The following ROBO2 variants were observed in gnomAD, a reference collection of about 807,000 sequenced individuals.
ROBO2 encodes the protein roundabout homolog 2.
In ROBO2, 53 loss-of-function variants were observed where a neutral mutation model predicts 160.8. The observed-to-expected ratio is 0.33, with a 90% CI of 0.26 to 0.41. ROBO2 has a LOEUF of 0.41. Ranked by LOEUF, ROBO2 falls within the 10% of genes least tolerant of loss-of-function variation. The pLI, the probability that ROBO2 is intolerant of heterozygous loss-of-function variation, is 1.00. For synonymous variants in ROBO2, 664 were observed against 611.7 expected (o/e 1.09, Z -1.26); for missense variants, 1,577 against 1,722.4 (o/e 0.92, Z 1.49).
rs570436071 is a variant in ROBO2 at position 76,813,425 on chromosome 3, T to C, written c.110-284589T>C. Reference sequence around the variant, plus strand: ...TGCCCATCGTTTTTGTCAAAACTTATTTAAAACTTTGTTTTAAAATACTGT... The same window carrying C: ...TGCCCATCGTTTTTGTCAAAACTTACTTAAAACTTTGTTTTAAAATACTGT... On this transcript the variant is annotated intron_variant, in intron 2 of 26. Transcript: ENST00000487694. Among the ~76,000 whole-genome samples the C allele has an allele frequency of 2.0e-5, 3 of 152,246 alleles. No individual in the cohort carries two copies. The East Asian group carries it at 5.8e-4, about 29-fold the overall frequency.
intron 2 of ROBO2, among the ~76,000 whole-genome samples, chr3:76,720,559 T>G (rs907644985): frequency 1.8e-4 from 28 of 152,208 alleles, no homozygotes; most frequent in Admixed American, 6.5e-5. Flanking sequence ...GGTACAGATT[T>G]ACATACTTTG....
At chr3:77,359,018 A>G (rs1354401498) in intron 2 of ROBO2, among the ~76,000 whole-genome samples, 1 of 152,230 alleles carries the variant, frequency 6.6e-6, no homozygotes, top group Non-Finnish European at 1.5e-5. Context: ...GAAAGCCTTA[A>G]CAGAAACAAA....
At chr3:75,978,652 T>G (rs1033518301) in intron 2 of ROBO2, among the ~76,000 whole-genome samples, 1 of 151,602 alleles carries the variant, frequency 6.6e-6, no homozygotes, top group East Asian at 1.9e-4. Context: ...AGTTAATAAT[T>G]GATCTGAACT....
At chr3:76,396,088 A>G (rs2077430527) in intron 2 of ROBO2, among the ~76,000 whole-genome samples, 1 of 152,202 alleles carries the variant, frequency 6.6e-6, no homozygotes, top group African/African-American at 2.4e-5. Context: ...ATTCTGGCAA[A>G]CCGAATTCAG....
intron 2 of ROBO2, among the ~76,000 whole-genome samples, chr3:76,789,021 A>C (rs762972309): frequency 5.1e-4 from 77 of 151,520 alleles, no homozygotes; most frequent in Admixed American, 1.6e-3. Flanking sequence ...TGGGTGTTAA[A>C]CATTTATACA....
At chr3:76,704,961 C>T (rs2093129534) in intron 2 of ROBO2, among the ~76,000 whole-genome samples, 1 of 152,084 alleles carries the variant, frequency 6.6e-6, no homozygotes, top group Non-Finnish European at 1.5e-5. Context: ...AGTACTCTAA[C>T]CAGGGGCCTG....
At chr3:76,242,158 C>G (rs540161182) in intron 2 of ROBO2, among the ~76,000 whole-genome samples, 2 of 152,090 alleles carry the variant, frequency 1.3e-5, no homozygotes, top group Non-Finnish European at 2.9e-5. Context: ...TTCCTTATTG[C>G]CAAATATAGC....
intron 2 of ROBO2, among the ~76,000 whole-genome samples, chr3:76,259,156 TG>T (rs1223696544): frequency 6.6e-6 from 1 of 152,154 alleles, no homozygotes; most frequent in African/African-American, 2.4e-5. Flanking sequence ...TGTTTTGTTT[TG>T]TTTTGCTTTT....
At chr3:77,262,284 C>G (rs919206332) in intron 2 of ROBO2, among the ~76,000 whole-genome samples, 2 of 152,020 alleles carry the variant, frequency 1.3e-5, no homozygotes, top group African/African-American at 4.8e-5. Context: ...ACTATTTTGT[C>G]TTTGTTTGGA....
chr3:77,062,524 G>C (rs1463363254), intron 1 of ROBO2, among the ~76,000 whole-genome samples: 2 of 152,164 alleles, frequency 1.3e-5, no homozygotes, highest in Non-Finnish European at 2.9e-5. Flanking sequence ...AGCAGAAGGG[G>C]CACAGCTGGG....
chr3:76,841,068 A>C (rs2068213467), intron 2 of ROBO2, among the ~76,000 whole-genome samples: 1 of 152,298 alleles, frequency 6.6e-6, no homozygotes, highest in Admixed American at 6.5e-5. Context: ...AAGCAGAGAT[A>C]ATTCTCCAAA....
chr3:76,559,237 T>C (rs1472513779), intron 2 of ROBO2, among the ~76,000 whole-genome samples: 1 of 152,118 alleles, frequency 6.6e-6, no homozygotes, highest in East Asian at 1.9e-4. Context: ...GTGATAGGGA[T>C]AACAATAAAT....
At chr3:77,192,372 C>A (rs2081933499) in intron 2 of ROBO2, among the ~76,000 whole-genome samples, 1 of 152,126 alleles carries the variant, frequency 6.6e-6, no homozygotes, top group South Asian at 2.1e-4. Flanking sequence ...AATTTCTCTA[C>A]TTTGCCATGT....
At chr3:77,517,223 G>T (rs2090118785) in intron 5 of ROBO2, among the ~76,000 whole-genome samples, 1 of 151,552 alleles carries the variant, frequency 6.6e-6, no homozygotes, top group African/African-American at 2.4e-5. Flanking sequence ...AGGCAGGAAA[G>T]ACATGTATAA....
chr3:76,497,745 C>A (rs147364236), intron 2 of ROBO2, among the ~76,000 whole-genome samples: 55 of 152,282 alleles, frequency 3.6e-4, no homozygotes, highest in African/African-American at 1.3e-3. Context: ...TGAAGGTGTT[C>A]ACAGAAAAGA....
intron 9 of ROBO2, among the ~76,000 whole-genome samples, chr3:77,561,609 T>C (rs75673385): frequency 0.022 from 3,372 of 152,244 alleles, 118 homozygotes; most frequent in African/African-American, 0.078. Flanking sequence ...TTTTAAGTGA[T>C]CGATGAAATG....
intron 2 of ROBO2, among the ~76,000 whole-genome samples, chr3:76,273,009 A>T (rs1341920016): frequency 1.0e-4 from 9 of 88,796 alleles, no homozygotes; most frequent in South Asian, 2.8e-4. Context: ...TATATATAAA[A>T]ATATATTATA....
intron 2 of ROBO2, among the ~76,000 whole-genome samples, chr3:76,323,346 A>G (rs1345136345): frequency 6.6e-6 from 1 of 152,080 alleles, no homozygotes; most frequent in Non-Finnish European, 1.5e-5. Context: ...CCTCATTCGA[A>G]TTCATCAATC....
At chr3:76,446,765 T>C (rs1023121631) in intron 2 of ROBO2, among the ~76,000 whole-genome samples, 1 of 152,064 alleles carries the variant, frequency 6.6e-6, no homozygotes. Context: ...ATCTTTGACA[T>C]ACCTGAGAAA....
Sources: gnomAD v4.1 joint callset for allele counts (sites outside exome capture counted in the v4.1 genomes callset) on GRCh38, gnomAD v4.1.1 for gene constraint, MANE v1.5 for transcripts, NCBI Gene and HGNC (gene_info 2026-07-23, HGNC 2026-07-21) for gene names.